TBXT: variants seen among roughly 807,000 people sequenced by gnomAD.
TBXT encodes T brachyury transcription factor.
Under a neutral mutation model 41.1 loss-of-function variants are expected in TBXT, and 19 were observed. The observed-to-expected ratio is 0.46, with a 90% CI of 0.32 to 0.68. The LOEUF (loss-of-function observed/expected upper bound fraction) is 0.68, where lower values mean the gene tolerates loss of function less well. TBXT is among the 30% of genes least tolerant of loss of function. The probability of loss-of-function intolerance (pLI) is 0.03; values close to 1 mark genes in which losing one functional copy is unlikely to be tolerated. For missense variants in TBXT, 536 were observed against 582.0 expected, an observed-to-expected ratio of 0.92 and a Z score of 0.81; for synonymous variants, 213 against 238.9, an observed-to-expected ratio of 0.89 and a Z score of 1.00.
intron 7 of TBXT, among the ~76,000 whole-genome samples, 158 bp from the exon 8 acceptor site, chr6:166,158,746 C>G (rs146476137): frequency 6.6e-6 from 1 of 152,266 alleles, no homozygotes; most frequent in African/African-American, 2.4e-5. Flanking sequence ...AAAGGACTCA[C>G]AAGCACATTC....
chr6:166,165,683 C>G (rs777583035), intron 3 of TBXT, 23 bp downstream of exon 3: 2 of 1,613,228 alleles, frequency 1.2e-6, no homozygotes, highest in Admixed American at 1.7e-5. Context: ...ACCGGGAAAG[C>G]GATCCGCCTC....
Position 166,167,551 on chromosome 6 carries a change from T to C in TBXT, c.41A>G (p.Gln14Arg). The C allele has an allele frequency of 6.3e-7, 1 of 1,590,298 alleles. No homozygotes were observed. Among genetic ancestry groups the C allele is most frequent in the Non-Finnish European group, 8.5e-7 (1 of 1,173,534 alleles). Residue 14 changes from glutamine (Q) to arginine (R), a missense_variant, in exon 1 of 8, where the codon CAG becomes CGG. By Grantham distance (43) the Gln-to-Arg change is conservative. Coordinates refer to ENST00000366876, the MANE Select transcript of TBXT (RefSeq NM_001366285.2). ...GCTCAGCAGGTGGTCCACTCGGTAC[T>C]GCAGGCTCTTTCCCGCGCTCTCGGT... ...PGTESAGKSLQYRVDHLLSAV... is the reference protein window; with the variant it reads ...PGTESAGKSLRYRVDHLLSAV...
rs370598848 is a variant in TBXT, at chr6:166,159,918, C to T, written c.1037+919G>A. On this transcript the variant is annotated intron_variant, in intron 7 of 7. Transcript: ENST00000366876. ...GCTCTTGGAGCCCCTGAAAGCTTCGCTTGTTTACGCATTGTTGCTCTGTTT... is the reference window on the plus strand; with the variant it reads ...GCTCTTGGAGCCCCTGAAAGCTTCGTTTGTTTACGCATTGTTGCTCTGTTT... 1.1e-3 allele frequency among the ~76,000 whole-genome samples: 166 copies of T among 151,562 alleles called. 1 individual carries two copies. Among genetic ancestry groups the T allele is most frequent in the Admixed American group, 2.3e-3 (35 of 15,196 alleles).
rs533997416 is a variant in TBXT at position 166,157,985 on chromosome 6, A to G, written c.*330T>C. The G allele has an allele frequency of 1.3e-5, 6 of 444,686 alleles. No individual in the cohort carries two copies. The highest frequency in any genetic ancestry group is 1.1e-4 in the South Asian group (5 of 43,502). The allele number at this position is 444,686 out of a possible 1,614,324, so 27.5% of individuals were successfully genotyped here. ...TCTGGTGTGCCAAAGTTGCCAATACACTGTATGAGAAATAAACCAAAAAAA... is the reference window on the plus strand; with the variant it reads ...TCTGGTGTGCCAAAGTTGCCAATACGCTGTATGAGAAATAAACCAAAAAAA... On this transcript the variant is annotated 3_prime_UTR_variant, in exon 8 of 8. Transcript: ENST00000366876.
At chr6:166,165,995 G>C (rs115492629) in intron 2 of TBXT, among the ~76,000 whole-genome samples, 155 bp from the exon 3 acceptor site, 2 of 152,180 alleles carry the variant, frequency 1.3e-5, no homozygotes, top group Non-Finnish European at 2.9e-5. Context: ...GCTTCTCCGC[G>C]GTTTATATGT....
At position 166,164,784 on chromosome 6, in the gene TBXT, G is replaced by C. The variant is rs1779064096; in HGVS notation, c.668+16C>G. The C allele has an allele frequency of 1.9e-6, 3 of 1,613,290 alleles. No homozygotes were observed. On this transcript the variant is annotated intron_variant, in intron 4 of 7. Transcript: ENST00000366876. ...ACTTCTTTGCCCAAGGGTATTTATA[G>C]TTAGAATTCTCTCACCTTTCCTTTG...
At position 166,164,876 on chromosome 6, in the gene TBXT, AT is replaced by A; in HGVS notation, c.607-16del. On this transcript the variant is annotated splice_polypyrimidine_tract_variant and intron_variant, in intron 3 of 7. Coordinates refer to ENST00000366876, the MANE Select transcript of TBXT (RefSeq NM_001366285.2). The stretch of plus-strand genomic sequence containing the variant: ...AGAGCTGTGATCTGAAAAACAAGAA[AT>A]TGCATTTACTAGTATATTCCCTATT... 6.2e-7 allele frequency: 1 copy of A among 1,610,224 alleles called. No homozygotes were observed.
chr6:166,167,502 C>T lies in TBXT; in HGVS notation c.90G>A (p.Ala30=). 1 of 1,608,728 alleles carries T rather than the reference C, an allele frequency of 6.2e-7. No individual in the cohort carries two copies. Among genetic ancestry groups the T allele is most frequent in the African/African-American group, 1.3e-5 (1 of 75,032 alleles). The change falls in exon 1 of 8, where the codon GCG becomes GCA. Residue 30 remains alanine, a synonymous_variant. Coordinates refer to ENST00000366876, the MANE Select transcript of TBXT (RefSeq NM_001366285.2). ...CTGTGGGGTCGCCCTTCTCGCTGCC[C>T]GCCTGCAGCTCATTCTCCACGGCGC... ...LLSAVENELQ[A]GSEKGDPTER...
At chr6:166,161,328 G>A (rs377592351) in intron 6 of TBXT, among the ~76,000 whole-genome samples, 1 of 152,128 alleles carries the variant, frequency 6.6e-6, no homozygotes, top group African/African-American at 2.4e-5. Flanking sequence ...TCATAAGAAT[G>A]GGCGATAGAA....
chr6:166,165,860 G>A lies in TBXT; in HGVS notation c.472-20C>T. On this transcript the variant is annotated intron_variant, in intron 2 of 7. Coordinates refer to ENST00000366876, the MANE Select transcript of TBXT (RefSeq NM_001366285.2). ...CATGATCTGAGGGAGACAGATACAG[G>A]ATTGGTGGCACTGAAAGGCCTGCGT... is the stretch of plus-strand genomic sequence containing the variant. 1.9e-6 allele frequency: 3 copies of A among 1,614,098 alleles called. No individual in the cohort carries two copies. Among genetic ancestry groups the A allele is most frequent in the Middle Eastern group, 1.7e-4 (1 of 6,060 alleles).
chr6:166,162,383 G>T lies in TBXT; in HGVS notation c.907+64C>A, dbSNP rs1371166612. 3 of 1,574,918 alleles carry T rather than the reference G, an allele frequency of 1.9e-6. No individual in the cohort carries two copies. The African/African-American group carries it at 4.0e-5, about 21-fold the overall frequency. ...TTTAGATTCTAGACTCCTGCAGAAT[G>T]CCTTTCCCAAAGTGGTCTTGCAGCC... is the stretch of plus-strand genomic sequence containing the variant. On this transcript the variant is annotated intron_variant, in intron 6 of 7. Coordinates refer to ENST00000366876, the MANE Select transcript of TBXT (RefSeq NM_001366285.2).
In TBXT at chr6:166,167,541, C is replaced by T. The variant is rs920675912; in HGVS notation, c.51G>A (p.Val17=). Residue 17 remains valine, a synonymous_variant, in exon 1 of 8, where the codon GTG becomes GTA. Transcript: ENST00000366876. The part of the protein sequence containing the change: ...ESAGKSLQYR[V]DHLLSAVENE... Reference sequence around the variant, plus strand: ...TCTCCACGGCGCTCAGCAGGTGGTCCACTCGGTACTGCAGGCTCTTTCCCG... The same window carrying T: ...TCTCCACGGCGCTCAGCAGGTGGTCTACTCGGTACTGCAGGCTCTTTCCCG... 1.9e-6 allele frequency: 3 copies of T among 1,597,010 alleles called. No individual in the cohort carries two copies. Among genetic ancestry groups the T allele is most frequent in the Non-Finnish European group, 2.6e-6 (3 of 1,176,446 alleles).
upstream of TBXT, chr6:166,167,945 G>A: frequency 2.6e-6 from 1 of 379,284 alleles, no homozygotes. Flanking sequence ...TTGAAGTGCC[G>A]GGCAGCCTCC....
At position 166,158,325 on chromosome 6, in the gene TBXT, G is replaced by C. The variant is rs748697550; in HGVS notation, c.1301C>G (p.Pro434Arg). 1.9e-6 allele frequency: 3 copies of C among 1,614,278 alleles called. No homozygotes were observed. In the Admixed American group the frequency reaches 5.0e-5, roughly 27 times the overall value. The change falls in exon 8 of 8, where the codon CCT (proline) becomes CGT (arginine). Residue 434 changes from proline (P) to arginine (R), a missense_variant. By Grantham distance (103) the Pro-to-Arg change is moderately radical. Transcript: ENST00000366876. ...LIASWTPVSP[P>R]SM ...CTGGGCCTTGCTGCTTCACATGGAAGGTGGCGACACAGGTGTCCATGAGGC... is the reference window on the plus strand; with the variant it reads ...CTGGGCCTTGCTGCTTCACATGGAACGTGGCGACACAGGTGTCCATGAGGC...
In TBXT at chr6:166,166,622, C is replaced by G; in HGVS notation, c.441G>C (p.Lys147Asn). ...MKAPVSFSKV[K>N]LTNKLNGGGQ... ...CCCCTCCGTTGAGCTTGTTGGTGAG[C>G]TTGACTTTGCTGAAGGAGACGGGAG... The change falls in exon 2 of 8, where the codon AAG becomes AAC. Residue 147 changes from lysine to asparagine, a missense_variant. Coordinates refer to ENST00000366876, the MANE Select transcript of TBXT (RefSeq NM_001366285.2). 1.2e-6 allele frequency: 2 copies of G among 1,614,078 alleles called. No individual in the cohort carries two copies. The highest frequency in any genetic ancestry group is 1.7e-6 in the Non-Finnish European group (2 of 1,180,026).
intron 3 of TBXT, 45 bp from the exon 4 acceptor site, chr6:166,164,906 C>T (rs1412298402): frequency 1.3e-6 from 2 of 1,528,436 alleles, no homozygotes; most frequent in African/African-American, 1.4e-5. Context: ...CCCTATTAGC[C>T]AGGGGATTTA....
At chr6:166,164,443 G>A (rs1779051599) in intron 5 of TBXT, among the ~76,000 whole-genome samples, 162 bp downstream of exon 5, 1 of 152,176 alleles carries the variant, frequency 6.6e-6, no homozygotes, top group African/African-American at 2.4e-5. Flanking sequence ...GGGCAACACA[G>A]CTTCAACATC....
At position 166,167,735 on chromosome 6, in the gene TBXT, C is replaced by G; in HGVS notation, c.-144G>C. 9.4e-7 allele frequency: 1 copy of G among 1,063,690 alleles called. No individual in the cohort carries two copies. The highest frequency in any genetic ancestry group is 1.4e-6 in the Non-Finnish European group (1 of 733,722). 65.9% of individuals were successfully genotyped at this position (1,063,690 alleles called of 1,614,324 possible). A position where few individuals can be genotyped will look rare whatever the true frequency, so the allele number is the denominator to read the frequency against. ...GCGACGGCTCCCGGGTCCCGGGTCC[C>G]GGCACAGACCCGGGAGGAGGGCGCG... On this transcript the variant is annotated 5_prime_UTR_variant, in exon 1 of 8. Coordinates refer to ENST00000366876, the MANE Select transcript of TBXT (RefSeq NM_001366285.2).
In TBXT at chr6:166,158,493, C is replaced by T. The variant is rs368179445; in HGVS notation, c.1133G>A (p.Arg378Gln). Residue 378 changes from arginine (R) to glutamine (Q), a missense_variant, in exon 8 of 8, where the codon CGG becomes CAG. Arg to Gln is a conservative substitution (Grantham distance 43). Transcript: ENST00000366876. The part of the protein sequence containing the change: ...VSNGLGAQFF[R>Q]GSPAHYTPLT... ...GGGTGTGTAGTGCGCGGGGGAGCCC[C>T]GGAAGAACTGGGCCCCCAGCCCGTT... 8.1e-6 allele frequency: 13 copies of T among 1,609,242 alleles called. No homozygotes were observed. The highest frequency in any genetic ancestry group is 1.7e-4 in the Middle Eastern group (1 of 6,038).
Sources: allele counts gnomAD v4.1 joint callset (sites outside exome capture counted in the v4.1 genomes callset), GRCh38; gene constraint gnomAD v4.1.1; transcripts MANE v1.5; gene names NCBI Gene and HGNC (gene_info 2026-07-23, HGNC 2026-07-21).